JAM2: variants seen among roughly 807,000 people sequenced by gnomAD.
The protein encoded by JAM2 is junctional adhesion molecule B.
JAM2 carries 17 observed loss-of-function variants against 42.0 expected under a neutral mutation model. That is an observed-to-expected ratio of 0.40 (90% CI 0.28 to 0.61). The LOEUF is 0.61. Among genes scored for constraint, JAM2 ranks in the 20% least tolerant of loss-of-function variants. The pLI, the probability that JAM2 is intolerant of heterozygous loss-of-function variation, is 0.37. For missense variants in JAM2, 319 were observed against 358.3 expected, an observed-to-expected ratio of 0.89 and a Z score of 0.89; for synonymous variants, 118 against 128.6, an observed-to-expected ratio of 0.92 and a Z score of 0.56.
intron 1 of JAM2, among the ~76,000 whole-genome samples, chr21:25,656,488 T>C (rs1056793855): frequency 6.6e-6 from 1 of 152,128 alleles, no homozygotes; most frequent in Non-Finnish European, 1.5e-5. Flanking sequence ...AGACCCCAAA[T>C]CTATAAGGAT....
At chr21:25,662,532 T>C (rs2033116835) in intron 1 of JAM2, among the ~76,000 whole-genome samples, 1 of 152,022 alleles carries the variant, frequency 6.6e-6, no homozygotes, top group Non-Finnish European at 1.5e-5. Context: ...TAGCTCACTG[T>C]AGCCTCAACC....
chr21:25,639,899 C>T lies in JAM2; in HGVS notation c.67+11C>T, dbSNP rs1422889486. The T allele has an allele frequency of 1.3e-6, 2 of 1,577,066 alleles. No individual in the cohort carries two copies. The highest frequency in any genetic ancestry group is 2.3e-5 in the East Asian group (1 of 43,416). ...TGGTCGCCCTGGGCTGTAAGTTGCT[C>T]GGGTTCCTCTACCCTTCCTGCCTGG... On this transcript the variant is annotated intron_variant, in intron 1 of 9. Transcript: ENST00000480456.
intron 2 of JAM2, among the ~76,000 whole-genome samples, chr21:25,688,682 A>C (rs1403269167): frequency 6.6e-6 from 1 of 152,104 alleles, no homozygotes; most frequent in Admixed American, 6.5e-5. Flanking sequence ...TCTCTGCCCT[A>C]CTTTCTATTT....
intron 1 of JAM2, among the ~76,000 whole-genome samples, chr21:25,681,839 G>A (rs543948699): frequency 3.9e-5 from 6 of 152,170 alleles, no homozygotes; most frequent in Middle Eastern, 3.4e-3. Flanking sequence ...AAAATTAGCC[G>A]GGCGTCGTGG....
intron 7 of JAM2, among the ~76,000 whole-genome samples, chr21:25,706,494 G>A (rs2034274020): frequency 6.6e-6 from 1 of 152,022 alleles, no homozygotes; most frequent in Non-Finnish European, 1.5e-5. Flanking sequence ...CTCCTAGCAA[G>A]TTTTAACAAA....
intron 1 of JAM2, among the ~76,000 whole-genome samples, chr21:25,668,887 A>G (rs1444761678): frequency 6.6e-6 from 1 of 152,206 alleles, no homozygotes; most frequent in African/African-American, 2.4e-5. Context: ...AAGCGTGTTA[A>G]GAAGAAGGGT....
At position 25,686,892 on chromosome 21, in the gene JAM2, T is replaced by A. The variant is rs2033763537; in HGVS notation, c.133+2944T>A. 1.3e-5 allele frequency among the ~76,000 whole-genome samples: 2 copies of A among 152,238 alleles called. 1 individual carries two copies. Among genetic ancestry groups the A allele is most frequent in the South Asian group, 4.1e-4 (2 of 4,836 alleles). ...TAAATGTGATTATTTTGCCACATGT[T>A]GTTGCTAATGCTTTTTATAAACAAA... is the stretch of plus-strand genomic sequence containing the variant. On this transcript the variant is annotated intron_variant, in intron 2 of 9. Coordinates refer to ENST00000480456, the MANE Select transcript of JAM2 (RefSeq NM_021219.4).
chr21:25,707,937 C>T (rs1325672167), intron 7 of JAM2, among the ~76,000 whole-genome samples: 4 of 151,872 alleles, frequency 2.6e-5, no homozygotes, highest in Admixed American at 6.6e-5. Flanking sequence ...CTTGACTTTC[C>T]GGGCTCAAGC....
rs570314427 is a variant in JAM2, at chr21:25,653,025, T to C, written c.67+13137T>C. Among the ~76,000 whole-genome samples the C allele has an allele frequency of 8.3e-4, 126 of 152,304 alleles. 2 individuals are homozygous for C. Among genetic ancestry groups the C allele is most frequent in the Admixed American group, 1.5e-3 (23 of 15,298 alleles). On this transcript the variant is annotated intron_variant, in intron 1 of 9. Coordinates refer to ENST00000480456, the MANE Select transcript of JAM2 (RefSeq NM_021219.4). ...TGACCCTGTTTGGAACAGACTGTCCTTGTGGCCTAGGGAAAAGCAAAGGAC... is the reference window on the plus strand; with the variant it reads ...TGACCCTGTTTGGAACAGACTGTCCCTGTGGCCTAGGGAAAAGCAAAGGAC...
chr21:25,664,671 T>A (rs1250114166), intron 1 of JAM2, among the ~76,000 whole-genome samples: 1 of 152,242 alleles, frequency 6.6e-6, no homozygotes, highest in African/African-American at 2.4e-5. Context: ...TTTCTCCAAT[T>A]GCCTCTTCTC....
chr21:25,644,019 A>G (rs996579292), intron 1 of JAM2: 1 of 152,220 alleles, frequency 6.6e-6, no homozygotes. Flanking sequence ...TCCCATAGCA[A>G]TATAGTAGTA....
intron 9 of JAM2, 73 bp downstream of exon 9, chr21:25,712,455 T>G (rs1259145752): frequency 9.3e-7 from 1 of 1,075,540 alleles, no homozygotes; most frequent in Non-Finnish European, 1.4e-6. Context: ...AGTAATTATA[T>G]GGACTTTGTG....
intron 1 of JAM2, among the ~76,000 whole-genome samples, chr21:25,673,941 C>T (rs1445110442): frequency 6.6e-5 from 10 of 152,272 alleles, no homozygotes; most frequent in Non-Finnish European, 1.5e-4. Flanking sequence ...ATAAGTCTCA[C>T]GCGATCTGAT....
At chr21:25,710,245 T>A (rs1041396669) in intron 8 of JAM2, 1 of 152,214 alleles carries the variant, frequency 6.6e-6, no homozygotes, top group Non-Finnish European at 1.5e-5. Context: ...CATTTTTTTA[T>A]ATTAATTGAA....
intron 3 of JAM2, chr21:25,692,475 C>A: frequency 5.2e-6 from 1 of 191,714 alleles, no homozygotes; most frequent in Non-Finnish European, 1.1e-5. Context: ...TTGACAAAAT[C>A]TATGGGCCAT....
intron 3 of JAM2, 118 bp from the exon 4 acceptor site, chr21:25,693,638 T>A: frequency 5.8e-6 from 5 of 857,916 alleles, no homozygotes; most frequent in Non-Finnish European, 8.9e-6. Flanking sequence ...GGCTTTAAAC[T>A]TGAGTTTATT....
intron 7 of JAM2, among the ~76,000 whole-genome samples, chr21:25,708,709 CT>C (rs2034321951): frequency 6.6e-6 from 1 of 152,132 alleles, no homozygotes; most frequent in African/African-American, 2.4e-5. Flanking sequence ...AATAAGATAA[CT>C]CTTCCAAAAC....
At chr21:25,676,474 AT>A (rs2033500305) in intron 1 of JAM2, among the ~76,000 whole-genome samples, 2 of 152,114 alleles carry the variant, frequency 1.3e-5, no homozygotes, top group Admixed American at 6.5e-5. Context: ...GTAATAGAGA[AT>A]ACAAAAACTT....
intron 3 of JAM2, among the ~76,000 whole-genome samples, chr21:25,691,239 T>A (rs2123383189): frequency 6.6e-6 from 1 of 152,380 alleles, no homozygotes; most frequent in South Asian, 2.1e-4. Flanking sequence ...CTCAAGTTCT[T>A]ATCTGTCAAG....
Sources: gnomAD v4.1 joint callset for allele counts (sites outside exome capture counted in the v4.1 genomes callset) on GRCh38, gnomAD v4.1.1 for gene constraint, MANE v1.5 for transcripts, NCBI Gene and HGNC (gene_info 2026-07-23, HGNC 2026-07-21) for gene names.